The following PPM1D variants were observed in gnomAD, a reference collection of about 807,000 sequenced individuals.
PPM1D encodes protein phosphatase, Mg2+/Mn2+ dependent 1D, also known as protein phosphatase 1D.
A neutral mutation model predicts 58.3 loss-of-function variants in PPM1D; 52 were observed. The observed-to-expected ratio is 0.89, with a 90% CI of 0.71 to 1.12. The LOEUF is 1.12. Ranked by LOEUF, PPM1D falls within the 50% of genes most tolerant of loss-of-function variation. The pLI is 0.00. For synonymous variants in PPM1D, 278 were observed against 285.1 expected (o/e 0.98, Z 0.25); for missense variants, 564 against 777.2 (o/e 0.73, Z 3.26).
At chr17:60,617,795 A>G (rs2030615183) in intron 1 of PPM1D, among the ~76,000 whole-genome samples, 1 of 152,184 alleles carries the variant, frequency 6.6e-6, no homozygotes, top group East Asian at 1.9e-4. Flanking sequence ...ATATGTATAG[A>G]AAAGGTCATA....
rs2030196319 is a variant in PPM1D at position 60,600,961 on chromosome 17, G to A, written c.472+75G>A. On this transcript the variant is annotated intron_variant, in intron 1 of 5. Transcript: ENST00000305921. ...GGCTTTTATGGCACCAGCCCCGCGT[G>A]GGCCCCCGGCACCCAGAGCGCAACC... 1.8e-5 allele frequency: 29 copies of A among 1,590,414 alleles called. 1 individual carries two copies. The South Asian group carries it at 3.1e-4, about 17-fold the overall frequency.
chr17:60,602,425 AT>A (rs34669060), intron 1 of PPM1D, among the ~76,000 whole-genome samples: 218 of 146,226 alleles, frequency 1.5e-3, no homozygotes, highest in Admixed American at 4.0e-3. Context: ...TTAGTATTAA[AT>A]TTTTTTTTTT....
At chr17:60,637,211 T>C (rs1234042541) in intron 3 of PPM1D, among the ~76,000 whole-genome samples, 1 of 152,124 alleles carries the variant, frequency 6.6e-6, no homozygotes, top group Non-Finnish European at 1.5e-5. Flanking sequence ...GTAAGGGTTC[T>C]CATTACTCAT....
chr17:60,663,172 A>T lies in PPM1D; in HGVS notation c.1438A>T (p.Lys480Ter). The change falls in exon 6 of 6, where the codon AAA (lysine) becomes TAA (stop). Residue 480 changes from lysine (K) to a stop codon, truncating the protein, a stop_gained. Coordinates refer to ENST00000305921, the MANE Select transcript of PPM1D (RefSeq NM_003620.4). LOFTEE classifies it high-confidence loss of function. ...AGAACCACTTGAAGAAAATTGCGCT[A>T]AAGCCCTGACTTTAAGGATACATGA... The part of the protein sequence containing the change: ...DPEPLEENCA[K>*]ALTLRIHDSL... 1 of 1,614,210 alleles carries T rather than the reference A, an allele frequency of 6.2e-7. No homozygotes were observed. The highest frequency in any genetic ancestry group is 8.5e-7 in the Non-Finnish European group (1 of 1,180,006).
chr17:60,637,236 TTTC>T (rs1484205973), intron 3 of PPM1D, among the ~76,000 whole-genome samples: 1 of 152,008 alleles, frequency 6.6e-6, no homozygotes, highest in East Asian at 1.9e-4. Flanking sequence ...TTTTCTCTTT[TTTC>T]TTTTTCTTTC....
chr17:60,618,468 C>T (rs1027490622), intron 1 of PPM1D, among the ~76,000 whole-genome samples: 9 of 152,188 alleles, frequency 5.9e-5, no homozygotes, highest in African/African-American at 2.2e-4. Context: ...TATTGTCGAA[C>T]TTTAATTTGT....
chr17:60,636,185 C>T (rs905016732), intron 3 of PPM1D, among the ~76,000 whole-genome samples: 7 of 152,210 alleles, frequency 4.6e-5, no homozygotes, highest in Admixed American at 3.9e-4. Context: ...CTTTCTTGAT[C>T]ACTTGCTGTA....
chr17:60,600,354 TG>T lies in PPM1D; in HGVS notation c.-60del. On this transcript the variant is annotated 5_prime_UTR_variant, in exon 1 of 6. Transcript: ENST00000305921. The stretch of plus-strand genomic sequence containing the variant: ...ATAGTTGGCCGGCGAGCGCCTAGTG[TG>T]TCTCCCGCCGCCGGATTCGGCGGGC... 1 of 1,532,576 alleles carries T rather than the reference TG, an allele frequency of 6.5e-7. No homozygotes were observed. The highest frequency in any genetic ancestry group is 8.8e-7 in the Non-Finnish European group (1 of 1,140,730). The allele number at this position is 1,532,576 out of a possible 1,614,324, so 94.9% of individuals were successfully genotyped here.
At chr17:60,659,724 A>T (rs2031495773) in intron 5 of PPM1D, among the ~76,000 whole-genome samples, 1 of 152,238 alleles carries the variant, frequency 6.6e-6, no homozygotes, top group Admixed American at 6.5e-5. Flanking sequence ...ATATCACATA[A>T]CTGTTTTACG....
intron 3 of PPM1D, among the ~76,000 whole-genome samples, chr17:60,641,926 C>G (rs2031140638): frequency 6.6e-6 from 1 of 152,166 alleles, no homozygotes; most frequent in South Asian, 2.1e-4. Flanking sequence ...AAGCAGGCCT[C>G]CTCTCTTCTG....
At chr17:60,649,468 C>T (rs1316562676) in intron 4 of PPM1D, among the ~76,000 whole-genome samples, 1 of 152,018 alleles carries the variant, frequency 6.6e-6, no homozygotes, top group African/African-American at 2.4e-5. Context: ...GCGGGTGGAT[C>T]ACCCAAGGTC....
intron 2 of PPM1D, among the ~76,000 whole-genome samples, chr17:60,632,519 A>T (rs1751374279): frequency 6.6e-6 from 1 of 152,118 alleles, no homozygotes; most frequent in Non-Finnish European, 1.5e-5. Context: ...GTGAACCATG[A>T]GTGCACCACT....
chr17:60,651,058 T>C (rs925560282), intron 4 of PPM1D, among the ~76,000 whole-genome samples: 3 of 152,198 alleles, frequency 2.0e-5, no homozygotes, highest in African/African-American at 7.2e-5. Context: ...AGAGAGACTC[T>C]GTGGTTTAAG....
At chr17:60,659,878 GGGA>G (rs1319012319) in intron 5 of PPM1D, among the ~76,000 whole-genome samples, 74 of 152,330 alleles carry the variant, frequency 4.9e-4, no homozygotes, top group African/African-American at 1.8e-3. Flanking sequence ...AAGAAAGTAG[GGGA>G]AGGGAAGCCA....
At chr17:60,610,916 C>T (rs1427822610) in intron 1 of PPM1D, among the ~76,000 whole-genome samples, 1 of 152,192 alleles carries the variant, frequency 6.6e-6, no homozygotes, top group Non-Finnish European at 1.5e-5. Flanking sequence ...CATTCTTTCA[C>T]CTTCTTGCCA....
At chr17:60,608,052 T>G (rs1305464579) in intron 1 of PPM1D, among the ~76,000 whole-genome samples, 2 of 152,234 alleles carry the variant, frequency 1.3e-5, no homozygotes, top group African/African-American at 4.8e-5. Context: ...TGTTTTATGT[T>G]GGTTGTTCGC....
Position 60,665,750 on chromosome 17 carries a change from G to A in PPM1D, c.*2198G>A, listed in dbSNP as rs1464465642. 1.3e-5 allele frequency: 2 copies of A among 152,164 alleles called. No homozygotes were observed. Among genetic ancestry groups the A allele is most frequent in the Non-Finnish European group, 2.9e-5 (2 of 68,052 alleles). The allele number at this position is 152,164 out of a possible 1,614,324, so 9.4% of individuals were successfully genotyped here. A position where few individuals can be genotyped will look rare whatever the true frequency, so the allele number is the denominator to read the frequency against. On this transcript the variant is annotated 3_prime_UTR_variant, in exon 6 of 6. Coordinates refer to ENST00000305921, the MANE Select transcript of PPM1D (RefSeq NM_003620.4). ...GTGGTTTTGGTCAAGCTACCAACCA[G>A]GGCTACAATCTTTCGAAGGTGTCAT... is the stretch of plus-strand genomic sequence containing the variant.
At chr17:60,621,075 ACCACATCT>A (rs2030691604) in intron 1 of PPM1D, among the ~76,000 whole-genome samples, 1 of 151,038 alleles carries the variant, frequency 6.6e-6, no homozygotes, top group East Asian at 2.0e-4. Context: ...GGCGCACACC[ACCACATCT>A]GGCTAATTTT....
chr17:60,609,657 CTGTTAGTCACTTAGTAGCT>C (rs1429036748), intron 1 of PPM1D, among the ~76,000 whole-genome samples: 1 of 152,092 alleles, frequency 6.6e-6, no homozygotes, highest in East Asian at 1.9e-4. Flanking sequence ...TGCTACCTAC[CTGTTAGTCACTTAGTAGCT>C]TGTTAGTCAC....
Sources: allele counts gnomAD v4.1 joint callset (sites outside exome capture counted in the v4.1 genomes callset), GRCh38; gene constraint gnomAD v4.1.1; transcripts MANE v1.5; gene names NCBI Gene and HGNC (gene_info 2026-07-23, HGNC 2026-07-21).